The following PRDM11 variants were observed in gnomAD, a reference collection of about 807,000 sequenced individuals.
PRDM11 encodes the protein PR domain-containing protein 11.
Under a neutral mutation model 97.8 loss-of-function variants are expected in PRDM11, and 20 were observed. That is an observed-to-expected ratio of 0.20 (90% CI 0.14 to 0.30). The LOEUF (loss-of-function observed/expected upper bound fraction) is 0.30. Ranked by LOEUF, PRDM11 falls within the 10% of genes least tolerant of loss-of-function variation. The pLI, the probability that PRDM11 is intolerant of heterozygous loss-of-function variation, is 1.00. For missense variants in PRDM11, 1,139 were observed against 1,555.2 expected (o/e 0.73, Z 4.50); for synonymous variants, 599 against 637.7 (o/e 0.94, Z 0.91).
intron 1 of PRDM11, among the ~76,000 whole-genome samples, chr11:45,132,280 G>C (rs1852738423): frequency 6.6e-6 from 1 of 152,200 alleles, no homozygotes; most frequent in East Asian, 1.9e-4. Flanking sequence ...CCAAGAAGAA[G>C]TGAGCAGAAG....
upstream of PRDM11, among the ~76,000 whole-genome samples, chr11:45,143,800 C>G (rs1391102069): frequency 6.6e-6 from 1 of 152,126 alleles, no homozygotes; most frequent in South Asian, 2.1e-4. Context: ...TGGTAATAAC[C>G]CAGAAGGTGT....
At chr11:45,126,340 A>G (rs1852572053) in intron 1 of PRDM11, among the ~76,000 whole-genome samples, 2 of 152,042 alleles carry the variant, frequency 1.3e-5, no homozygotes, top group Admixed American at 6.5e-5. Flanking sequence ...ATTTACATTT[A>G]AAGTTAATAT....
chr11:45,226,254 G>T lies in PRDM11; in HGVS notation c.1629G>T (p.Ser543=). The change falls in exon 8 of 8, where the codon TCG becomes TCT. Residue 543 remains serine (S), a synonymous_variant. Transcript: ENST00000683152. ...RQYTVQSSRT[S]AFIIGSKQFK... is the part of the protein sequence containing the mutation. ...ACACGGTGCAGTCCTCACGCACCTC[G>T]GCCTTCATCATTGGCTCCAAGCAGT... 1.3e-6 allele frequency: 2 copies of T among 1,533,958 alleles called. No homozygotes were observed. Among genetic ancestry groups the T allele is most frequent in the East Asian group, 4.9e-5 (2 of 40,912 alleles).
chr11:45,221,390 A>T (rs1854116922), intron 6 of PRDM11, among the ~76,000 whole-genome samples: 1 of 152,216 alleles, frequency 6.6e-6, no homozygotes, highest in African/African-American at 2.4e-5. Flanking sequence ...TTGAATGGAT[A>T]AAAGAAGAAA....
At chr11:45,208,515 C>A (rs1035377826) in intron 5 of PRDM11, among the ~76,000 whole-genome samples, 1 of 152,096 alleles carries the variant, frequency 6.6e-6, no homozygotes, top group Admixed American at 6.5e-5. Flanking sequence ...GATGTGTTTC[C>A]CTCCTTAGTA....
At chr11:45,202,708 C>A (rs535845809) in intron 4 of PRDM11, among the ~76,000 whole-genome samples, 9 of 152,082 alleles carry the variant, frequency 5.9e-5, no homozygotes, top group Non-Finnish European at 1.0e-4. Context: ...CAGAGAGGGT[C>A]TTCCACTGCA....
intron 5 of PRDM11, chr11:45,213,142 C>G: frequency 6.6e-6 from 3 of 456,668 alleles, no homozygotes; most frequent in Non-Finnish European, 1.3e-5. Context: ...ATCGATGACC[C>G]TTGTAGGACA....
chr11:45,104,814 G>C (rs1035677127), intron 1 of PRDM11, among the ~76,000 whole-genome samples: 1 of 152,120 alleles, frequency 6.6e-6, no homozygotes. Context: ...AATTCAGATC[G>C]GGGACCCAGA....
chr11:45,178,621 G>A (rs1214300007), intron 1 of PRDM11, among the ~76,000 whole-genome samples: 1 of 152,174 alleles, frequency 6.6e-6, no homozygotes, highest in Non-Finnish European at 1.5e-5. Flanking sequence ...CACATCAGAG[G>A]GACCAGTGAG....
chr11:45,219,506 G>T lies in PRDM11; in HGVS notation c.555-64G>T. ...ATCCACACTTGCCCAGCACTGTGCC[G>T]GCACCAGCGGGCACTCAACAAAGGG... On this transcript the variant is annotated intron_variant, in intron 5 of 7. Coordinates refer to ENST00000683152, the MANE Select transcript of PRDM11 (RefSeq NM_001384648.1). This position sits in a 1 kb window ranked among gnomAD's most constrained non-coding sequence, Gnocchi z 4.2. The T allele has an allele frequency of 1.4e-6, 2 of 1,461,130 alleles. No individual in the cohort carries two copies. The highest frequency in any genetic ancestry group is 2.6e-5 in the South Asian group (2 of 77,754). The allele number at this position is 1,461,130 out of a possible 1,614,324, so 90.5% of individuals were successfully genotyped here. A position where few individuals can be genotyped will look rare whatever the true frequency, so the allele number is the denominator to read the frequency against.
chr11:45,138,373 C>G (rs574271354), intron 1 of PRDM11, among the ~76,000 whole-genome samples: 22 of 152,228 alleles, frequency 1.4e-4, no homozygotes, highest in African/African-American at 5.1e-4. Flanking sequence ...CAAGACCAGC[C>G]TGGGGAACAT....
At chr11:45,117,199 G>T (rs1047578929) in intron 1 of PRDM11, among the ~76,000 whole-genome samples, 37 of 139,714 alleles carry the variant, frequency 2.6e-4, no homozygotes, top group African/African-American at 1.0e-3. Context: ...TCCAGCCTGG[G>T]CAACAGAGTG....
At chr11:45,224,141 G>A in intron 6 of PRDM11, 76 bp from the exon 7 acceptor site, 2 of 1,485,320 alleles carry the variant, frequency 1.3e-6, no homozygotes, top group Non-Finnish European at 1.8e-6. Context: ...CTAACAGGAG[G>A]CCTGCTTTGT....
At chr11:45,151,038 A>G (rs929966841) in intron 1 of PRDM11, among the ~76,000 whole-genome samples, 21 of 152,226 alleles carry the variant, frequency 1.4e-4, no homozygotes, top group Admixed American at 1.2e-3. Flanking sequence ...GTGAGGGCAG[A>G]GAACCCCAAA....
chr11:45,176,291 C>G (rs1208797758), intron 1 of PRDM11, among the ~76,000 whole-genome samples: 1 of 152,040 alleles, frequency 6.6e-6, no homozygotes, highest in Non-Finnish European at 1.5e-5. Context: ...ACAGGAGAAT[C>G]GCTTGAACCC....
At chr11:45,160,833 T>C (rs1851909852) in intron 1 of PRDM11, among the ~76,000 whole-genome samples, 2 of 152,226 alleles carry the variant, frequency 1.3e-5, no homozygotes, top group Non-Finnish European at 2.9e-5. Flanking sequence ...CTATTGCTGG[T>C]TCTCCATTTT....
chr11:45,161,721 G>T (rs1239873081), intron 1 of PRDM11, among the ~76,000 whole-genome samples: 1 of 152,252 alleles, frequency 6.6e-6, no homozygotes, highest in African/African-American at 2.4e-5. Flanking sequence ...TGCAGCTGAT[G>T]ATTTATTTAG....
At chr11:45,119,665 T>C (rs1397771100) in intron 1 of PRDM11, among the ~76,000 whole-genome samples, 1 of 123,902 alleles carries the variant, frequency 8.1e-6, no homozygotes, top group Non-Finnish European at 1.6e-5. Flanking sequence ...GGTAAGGCCA[T>C]ACCAGGAAGA....
chr11:45,213,214 G>A (rs1473521724), intron 5 of PRDM11: 7 of 456,466 alleles, frequency 1.5e-5, no homozygotes, highest in Non-Finnish European at 3.1e-5. Flanking sequence ...AACAGAGCAT[G>A]TATTCAGACC....
Sources: gnomAD v4.1 joint callset for allele counts (sites outside exome capture counted in the v4.1 genomes callset) on GRCh38, gnomAD v4.1.1 for gene constraint, Gnocchi (gnomAD v3.1) non-coding constraint, MANE v1.5 for transcripts, NCBI Gene and HGNC (gene_info 2026-07-23, HGNC 2026-07-21) for gene names.